The following PDILT variants were observed in gnomAD, a reference collection of about 807,000 sequenced individuals.
PDILT encodes the protein protein disulfide isomerase like, testis expressed, also known as protein disulfide-isomerase-like protein of the testis.
PDILT carries 43 observed loss-of-function variants against 53.7 expected under a neutral mutation model. That is an observed-to-expected ratio of 0.80 (90% confidence interval 0.63 to 1.03). The LOEUF (loss-of-function observed/expected upper bound fraction) is 1.03, where lower values mean the gene tolerates loss of function less well. PDILT is among the 50% of genes least tolerant of loss of function. The pLI is 0.00. For missense variants in PDILT, 727 were observed against 712.3 expected, an observed-to-expected ratio of 1.02 and a Z score of -0.24; for synonymous variants, 282 against 274.2, an observed-to-expected ratio of 1.03 and a Z score of -0.28.
At chr16:20,368,155 G>A (rs191134732) in intron 8 of PDILT, among the ~76,000 whole-genome samples, 1 of 152,288 alleles carries the variant, frequency 6.6e-6, no homozygotes, top group East Asian at 1.9e-4. Context: ...GGGCATGGGA[G>A]CAGGGAGCTG....
intron 3 of PDILT, among the ~76,000 whole-genome samples, chr16:20,382,241 T>C (rs1177803015): frequency 6.6e-6 from 1 of 152,194 alleles, no homozygotes; most frequent in Non-Finnish European, 1.5e-5. Context: ...GGCATTGGAC[T>C]AGAATGAGAA....
At position 20,398,708 on chromosome 16, in the gene PDILT, A is replaced by T. The variant is rs572749380; in HGVS notation, c.202+391T>A. On this transcript the variant is annotated intron_variant, in intron 2 of 11. Transcript: ENST00000302451. ...GCTGCCATCATTTATTTCTCTCTAGATGTGTTCCAGGAACTTATCACATCT... is the reference window on the plus strand; with the variant it reads ...GCTGCCATCATTTATTTCTCTCTAGTTGTGTTCCAGGAACTTATCACATCT... Among the ~76,000 whole-genome samples, 99 of 152,220 alleles carry T rather than the reference A, an allele frequency of 6.5e-4. No individual in the cohort carries two copies. In the South Asian group the frequency reaches 0.01, roughly 16 times the overall value.
At chr16:20,378,119 T>G (rs1186608934) in intron 3 of PDILT, among the ~76,000 whole-genome samples, 1 of 152,186 alleles carries the variant, frequency 6.6e-6, no homozygotes, top group Admixed American at 6.5e-5. Flanking sequence ...CTAAATCAAC[T>G]GCAAAGGCTC....
intron 3 of PDILT, among the ~76,000 whole-genome samples, chr16:20,376,638 C>T (rs1966392802): frequency 6.6e-6 from 1 of 152,120 alleles, no homozygotes. Context: ...ATTTTAAAAT[C>T]TCAATAAAAT....
rs1329296031 is a variant in PDILT at position 20,403,215 on chromosome 16, G to C, written c.-8+1281C>G. 5.3e-5 allele frequency among the ~76,000 whole-genome samples: 8 copies of C among 152,248 alleles called. 1 individual carries two copies. In the East Asian group the frequency reaches 1.4e-3, roughly 26 times the overall value. On this transcript the variant is annotated intron_variant, in intron 1 of 11. Coordinates refer to ENST00000302451, the MANE Select transcript of PDILT (RefSeq NM_174924.2). ...AAGAGGGTGTGGTAACCTCCTTACT[G>C]ATCCTGCCTCTGCTTCTACTCTTTG...
At position 20,367,055 on chromosome 16, in the gene PDILT, CT is replaced by C. The variant is rs1282412864; in HGVS notation, c.1117-1516del. The stretch of plus-strand genomic sequence containing the variant: ...TCTTTCTTTCTTTCTTTCTTTCTTT[CT>C]TTCTTTCTTTCTTTCTTTCTTTCTT... On this transcript the variant is annotated intron_variant, in intron 8 of 11. Transcript: ENST00000302451. Among the ~76,000 whole-genome samples, 9 of 99,730 alleles carry C rather than the reference CT, an allele frequency of 9.0e-5. 1 individual carries two copies. Among genetic ancestry groups the C allele is most frequent in the East Asian group, 2.4e-4 (1 of 4,140 alleles). 65.4% of individuals were successfully genotyped at this position (99,730 alleles called of 152,430 possible). A position where few individuals can be genotyped will look rare whatever the true frequency, so the allele number is the denominator to read the frequency against.
intron 8 of PDILT, 98 bp from the exon 9 acceptor site, chr16:20,365,638 GT>G (rs1293085357): frequency 1.4e-6 from 2 of 1,434,788 alleles, no homozygotes; most frequent in Non-Finnish European, 1.9e-6. Flanking sequence ...GTTTTCTCGT[GT>G]TTTTTTCACA....
chr16:20,401,847 G>A (rs1006849221), intron 1 of PDILT, among the ~76,000 whole-genome samples: 1 of 152,214 alleles, frequency 6.6e-6, no homozygotes, highest in East Asian at 1.9e-4. Context: ...CAGAGTGTTC[G>A]CCCTGAGTTC....
Position 20,369,576 on chromosome 16 carries a change from G to A in PDILT, c.1032C>T (p.Asp344=), listed in dbSNP as rs150342728. 886 of 1,614,186 alleles carry A rather than the reference G, an allele frequency of 5.5e-4. 2 individuals carry two copies. Among genetic ancestry groups the A allele is most frequent in the South Asian group, 9.0e-4 (82 of 91,086 alleles). ...CATCTGAAGGCATTTTGTACCTGGC[G>A]TCAGAGCTCAAGTTTAGGATTTGGA... ...PSVQILNLSS[D]ARYKMPSDDI... The change falls in exon 8 of 12, where the codon GAC becomes GAT. Residue 344 remains aspartate (D), a synonymous_variant. Transcript: ENST00000302451.
chr16:20,375,572 A>G (rs1966372853), intron 4 of PDILT, among the ~76,000 whole-genome samples: 1 of 152,252 alleles, frequency 6.6e-6, no homozygotes, highest in African/African-American at 2.4e-5. Context: ...ATGAAAGGCT[A>G]TTATGAGACG....
At chr16:20,400,054 CTATATATA>C (rs138618785) in intron 1 of PDILT, among the ~76,000 whole-genome samples, 21,207 of 124,306 alleles carry the variant, frequency 0.17, 1,723 homozygotes, top group Admixed American at 0.2. Context: ...ATCTATCTAT[CTATATATA>C]TATATATATA....
At chr16:20,382,007 T>C (rs1439480941) in intron 3 of PDILT, among the ~76,000 whole-genome samples, 1 of 152,142 alleles carries the variant, frequency 6.6e-6, no homozygotes, top group African/African-American at 2.4e-5. Context: ...CAAGCAATTC[T>C]CCCACCTCAG....
intron 2 of PDILT, among the ~76,000 whole-genome samples, chr16:20,389,884 G>T (rs907475186): frequency 1.3e-5 from 2 of 152,070 alleles, no homozygotes; most frequent in Non-Finnish European, 2.9e-5. Flanking sequence ...AATGTCGGAC[G>T]TTTTGCAAGG....
chr16:20,379,072 G>A (rs942913934), intron 3 of PDILT, among the ~76,000 whole-genome samples: 1 of 151,668 alleles, frequency 6.6e-6, no homozygotes, highest in Non-Finnish European at 1.5e-5. Flanking sequence ...AGAGTGCAGT[G>A]GTGTAGTCGT....
At chr16:20,370,484 G>T (rs1329707660) in intron 7 of PDILT, among the ~76,000 whole-genome samples, 2 of 152,214 alleles carry the variant, frequency 1.3e-5, no homozygotes, top group Non-Finnish European at 2.9e-5. Flanking sequence ...ACAAGTCATG[G>T]AACACTATTC....
At chr16:20,388,918 A>C (rs1014742216) in intron 2 of PDILT, 10 of 152,230 alleles carry the variant, frequency 6.6e-5, no homozygotes, top group African/African-American at 2.4e-4. Flanking sequence ...ATCTCAAAAA[A>C]AAAAAAAAAT....
intron 11 of PDILT, among the ~76,000 whole-genome samples, chr16:20,359,913 A>G (rs147848392): frequency 9.8e-4 from 150 of 152,306 alleles, no homozygotes; most frequent in Middle Eastern, 6.8e-3. Flanking sequence ...ATTTTCTGGG[A>G]CATCTAAGAA....
intron 8 of PDILT, among the ~76,000 whole-genome samples, chr16:20,368,362 C>T (rs764079608): frequency 6.6e-6 from 1 of 151,998 alleles, no homozygotes; most frequent in African/African-American, 2.4e-5. Context: ...GGATCCAAGG[C>T]ATCTGGGGTT....
At chr16:20,373,773 TACA>T (rs1966342905) in intron 5 of PDILT, among the ~76,000 whole-genome samples, 1 of 6,564 alleles carries the variant, frequency 1.5e-4, no homozygotes, top group African/African-American at 3.7e-4. Flanking sequence ...CTGTTTTCTG[TACA>T]TACATCACTT....
Sources: gnomAD v4.1 joint callset for allele counts (sites outside exome capture counted in the v4.1 genomes callset) on GRCh38, gnomAD v4.1.1 for gene constraint, MANE v1.5 for transcripts, NCBI Gene and HGNC (gene_info 2026-07-23, HGNC 2026-07-21) for gene names.